Variants in TBC1D22A observed in about 807,000 individuals in gnomAD.
TBC1D22A encodes the protein putative GTPase activator.
TBC1D22A carries 38 observed loss-of-function variants against 60.2 expected under a neutral mutation model. The observed-to-expected ratio is 0.63, with a 90% CI of 0.49 to 0.83. The LOEUF is 0.83. Among genes scored for constraint, TBC1D22A ranks in the 40% least tolerant of loss-of-function variants. TBC1D22A has a pLI of 0.00. For synonymous variants in TBC1D22A, 302 were observed against 281.7 expected, an observed-to-expected ratio of 1.07 and a Z score of -0.72; for missense variants, 628 against 701.0, an observed-to-expected ratio of 0.90 and a Z score of 1.18.
intron 9 of TBC1D22A, 45 bp from the exon 10 acceptor site, chr22:46,997,584 GTTTGT>G (rs774737901): frequency 8.7e-6 from 13 of 1,499,074 alleles, no homozygotes; most frequent in Non-Finnish European, 1.1e-5. Flanking sequence ...CTTTTGGAAA[GTTTGT>G]TTTATTTTAT....
intron 12 of TBC1D22A, among the ~76,000 whole-genome samples, chr22:47,169,170 T>C (rs2068328403): frequency 6.6e-6 from 1 of 152,206 alleles, no homozygotes; most frequent in Non-Finnish European, 1.5e-5. Context: ...TTTAGAGAGA[T>C]GCCTTTGCCT....
chr22:47,061,363 C>T (rs1439799698), intron 11 of TBC1D22A, among the ~76,000 whole-genome samples: 1 of 152,110 alleles, frequency 6.6e-6, no homozygotes, highest in Non-Finnish European at 1.5e-5. Context: ...CTTCCTCCTC[C>T]CCTCACTCTC....
chr22:46,973,112 T>A (rs961335649), intron 8 of TBC1D22A, among the ~76,000 whole-genome samples: 8 of 152,164 alleles, frequency 5.3e-5, no homozygotes, highest in Non-Finnish European at 2.9e-5. Flanking sequence ...CAGTGTGAGT[T>A]AGCAATTGTG....
intron 8 of TBC1D22A, among the ~76,000 whole-genome samples, chr22:46,922,774 A>AT (rs2070830876): frequency 2.0e-5 from 3 of 152,286 alleles, no homozygotes; most frequent in South Asian, 4.1e-4. Context: ...CTTTTTGTAC[A>AT]TTGATTTTTG....
intron 11 of TBC1D22A, among the ~76,000 whole-genome samples, chr22:47,075,198 G>A (rs905589638): frequency 7.0e-6 from 1 of 142,318 alleles, no homozygotes; most frequent in Non-Finnish European, 1.5e-5. Flanking sequence ...AGTCCAGCCT[G>A]GGCGACAGAG....
chr22:46,922,340 C>T (rs560081091), intron 8 of TBC1D22A, among the ~76,000 whole-genome samples: 1 of 152,318 alleles, frequency 6.6e-6, no homozygotes, highest in African/African-American at 2.4e-5. Context: ...CAAGTATATT[C>T]ATAAGCATGA....
intron 10 of TBC1D22A, among the ~76,000 whole-genome samples, chr22:46,998,500 T>C (rs1390877983): frequency 6.6e-6 from 1 of 152,196 alleles, no homozygotes; most frequent in African/African-American, 2.4e-5. Flanking sequence ...TGGAGACAAA[T>C]TGCACTTTGT....
intron 12 of TBC1D22A, among the ~76,000 whole-genome samples, chr22:47,124,777 C>T (rs556400714): frequency 8.0e-4 from 121 of 151,962 alleles, no homozygotes; most frequent in African/African-American, 2.9e-3. Flanking sequence ...GCGGGGGAAG[C>T]AGGTGATGAG....
chr22:47,135,187 C>T (rs898266339), intron 12 of TBC1D22A, among the ~76,000 whole-genome samples: 4 of 152,210 alleles, frequency 2.6e-5, no homozygotes, highest in Admixed American at 6.5e-5. Context: ...TGTGGGCAGC[C>T]GGCCTTCCCA....
intron 10 of TBC1D22A, among the ~76,000 whole-genome samples, chr22:47,018,668 A>G (rs1482412346): frequency 1.3e-5 from 2 of 152,122 alleles, no homozygotes; most frequent in Admixed American, 6.5e-5. Flanking sequence ...GGCTCTAAAG[A>G]TGCGTGAGCT....
intron 4 of TBC1D22A, among the ~76,000 whole-genome samples, chr22:46,803,518 C>T (rs1164262270): frequency 2.6e-5 from 4 of 152,352 alleles, no homozygotes; most frequent in South Asian, 4.1e-4. Flanking sequence ...CGGCCGTCAG[C>T]GTTCAGCGTC....
chr22:47,042,519 G>T (rs1241155162), intron 11 of TBC1D22A, among the ~76,000 whole-genome samples: 3 of 152,246 alleles, frequency 2.0e-5, no homozygotes, highest in African/African-American at 7.2e-5. Context: ...TTCCATGCGG[G>T]AGGAGCTATC....
At chr22:47,092,037 G>T (rs555779374) in intron 11 of TBC1D22A, among the ~76,000 whole-genome samples, 3 of 152,284 alleles carry the variant, frequency 2.0e-5, no homozygotes, top group African/African-American at 7.2e-5. Context: ...GCTGAGGCAG[G>T]GACTTCAGTT....
chr22:46,929,227 T>C (rs932443257), intron 8 of TBC1D22A, among the ~76,000 whole-genome samples: 16 of 152,190 alleles, frequency 1.1e-4, no homozygotes, highest in African/African-American at 3.9e-4. Context: ...TGATAATGCA[T>C]GTGGTGGCTC....
chr22:47,045,116 G>A (rs1327883780), intron 11 of TBC1D22A, among the ~76,000 whole-genome samples: 1 of 152,248 alleles, frequency 6.6e-6, no homozygotes, highest in Non-Finnish European at 1.5e-5. Flanking sequence ...AGCAAGAAAA[G>A]TGATTTGTAT....
chr22:47,038,402 C>T (rs1468595247), intron 11 of TBC1D22A, among the ~76,000 whole-genome samples: 7 of 152,286 alleles, frequency 4.6e-5, no homozygotes, highest in African/African-American at 1.4e-4. Context: ...CCAGGCACTG[C>T]GTTGGGTCCC....
intron 12 of TBC1D22A, among the ~76,000 whole-genome samples, chr22:47,131,081 C>G (rs1168231362): frequency 2.0e-5 from 3 of 152,294 alleles, no homozygotes; most frequent in Admixed American, 6.5e-5. Flanking sequence ...CAGCTCTGTC[C>G]TGAACTAACA....
At chr22:47,106,236 AG>A (rs1032215116) in intron 11 of TBC1D22A, among the ~76,000 whole-genome samples, 48 of 152,260 alleles carry the variant, frequency 3.2e-4, no homozygotes, top group African/African-American at 9.9e-4. Flanking sequence ...GAAAATAAAG[AG>A]AATGGGTGCA....
Position 47,146,567 on chromosome 22 carries a change from C to T in TBC1D22A, c.1426-26931C>T, listed in dbSNP as rs181424406. 3.0e-3 allele frequency among the ~76,000 whole-genome samples: 459 copies of T among 152,364 alleles called. 4 individuals carry two copies. Among genetic ancestry groups the T allele is most frequent in the Non-Finnish European group, 5.0e-3 (340 of 68,032 alleles). On this transcript the variant is annotated intron_variant, in intron 12 of 12. Transcript: ENST00000337137. ...CAATCTCCACCCCAGGCAGCCGGCA[C>T]CGATGCCGCTCTGTAATCATCCAGA...
Sources: gnomAD v4.1 joint callset for allele counts (sites outside exome capture counted in the v4.1 genomes callset) on GRCh38, gnomAD v4.1.1 for gene constraint, MANE v1.5 for transcripts, NCBI Gene and HGNC (gene_info 2026-07-23, HGNC 2026-07-21) for gene names.